The following BCL2 variants were observed in gnomAD, a reference collection of about 807,000 sequenced individuals.
The protein encoded by BCL2 is apoptosis regulator Bcl-2.
Under a neutral mutation model 14.2 loss-of-function variants are expected in BCL2, and 1 was observed. The ratio of observed to expected loss-of-function variants is 0.07; its 90% CI spans 0.02 to 0.33. The LOEUF (loss-of-function observed/expected upper bound fraction) is 0.33. BCL2 is among the 10% of genes least tolerant of loss of function. The pLI is 0.99. For missense variants in BCL2, 247 were observed against 305.9 expected, an observed-to-expected ratio of 0.81 and a Z score of 1.44; for synonymous variants, 151 against 137.2, an observed-to-expected ratio of 1.10 and a Z score of -0.70.
At chr18:63,271,042 G>C (rs142544832) in intron 2 of BCL2, among the ~76,000 whole-genome samples, 1 of 152,088 alleles carries the variant, frequency 6.6e-6, no homozygotes, top group Non-Finnish European at 1.5e-5. Context: ...GAATGGTCTC[G>C]AACTCCTGGC....
intron 2 of BCL2, among the ~76,000 whole-genome samples, chr18:63,311,490 TC>T (rs1214783073): frequency 1.3e-5 from 2 of 152,120 alleles, no homozygotes; most frequent in Admixed American, 6.5e-5. Flanking sequence ...GGAGAAAACC[TC>T]CCCTGAAAAA....
At position 63,169,248 on chromosome 18, in the gene BCL2, TTTTCTTTCTTTC is replaced by T. The variant is rs145779306; in HGVS notation, c.586-40501_586-40490del. Among the ~76,000 whole-genome samples, 212 of 108,262 alleles carry T rather than the reference TTTTCTTTCTTTC, an allele frequency of 2.0e-3. 8 individuals carry two copies. Among genetic ancestry groups the T allele is most frequent in the Non-Finnish European group, 2.1e-3 (109 of 52,448 alleles). The allele number at this position is 108,262 out of a possible 152,430, so 71.0% of individuals were successfully genotyped here. ...ACAGAATAGTTTTTCCCCTTCGTGT[TTTTCTTTCTTTC>T]TTTCTTTCTTTCTTTCTTTCTTTCT... is the stretch of plus-strand genomic sequence containing the variant. On this transcript the variant is annotated intron_variant, in intron 2 of 2. Transcript: ENST00000333681.
intron 2 of BCL2, among the ~76,000 whole-genome samples, chr18:63,195,995 T>C (rs1909433916): frequency 6.6e-6 from 1 of 152,210 alleles, no homozygotes; most frequent in South Asian, 2.1e-4. Flanking sequence ...TAGCATTCAA[T>C]AAAACTATAA....
At chr18:63,135,530 A>G (rs1404693581) in intron 2 of BCL2, among the ~76,000 whole-genome samples, 1 of 152,152 alleles carries the variant, frequency 6.6e-6, no homozygotes, top group Non-Finnish European at 1.5e-5. Flanking sequence ...GGCAGTGAAC[A>G]CTGCCTTTTA....
chr18:63,167,024 A>G (rs1160483682), intron 2 of BCL2, among the ~76,000 whole-genome samples: 3 of 152,212 alleles, frequency 2.0e-5, no homozygotes, highest in Non-Finnish European at 2.9e-5. Flanking sequence ...CTAATGTTGC[A>G]ACATGAGAAG....
chr18:63,252,581 T>C (rs113707824), intron 2 of BCL2, among the ~76,000 whole-genome samples: 9 of 152,192 alleles, frequency 5.9e-5, no homozygotes, highest in Non-Finnish European at 1.3e-4. Context: ...GATGTGATGG[T>C]TTTAAAAATG....
intron 2 of BCL2, chr18:63,314,190 T>G (rs1218022296): frequency 6.6e-6 from 1 of 152,230 alleles, no homozygotes; most frequent in African/African-American, 2.4e-5. Flanking sequence ...AAGTTCATCA[T>G]GAAATATATT....
chr18:63,313,641 T>C (rs1913404053), intron 2 of BCL2, among the ~76,000 whole-genome samples: 1 of 152,162 alleles, frequency 6.6e-6, no homozygotes, highest in Non-Finnish European at 1.5e-5. Context: ...AAACTACTGC[T>C]AAGACACAAT....
chr18:63,236,735 CGATGG>C (rs1349551921), intron 2 of BCL2, among the ~76,000 whole-genome samples: 2 of 150,480 alleles, frequency 1.3e-5, no homozygotes, highest in Non-Finnish European at 3.0e-5. Context: ...GAAGTGAGAT[CGATGG>C]CCTCCGTTCC....
intron 2 of BCL2, among the ~76,000 whole-genome samples, chr18:63,236,736 G>T (rs3826622): frequency 0.086 from 13,039 of 152,212 alleles, 603 homozygotes; most frequent in South Asian, 0.16. Flanking sequence ...AAGTGAGATC[G>T]ATGGCCTCCG....
chr18:63,252,812 CT>C (rs1911354589), intron 2 of BCL2, among the ~76,000 whole-genome samples: 1 of 152,146 alleles, frequency 6.6e-6, no homozygotes, highest in Non-Finnish European at 1.5e-5. Context: ...GACTAATACA[CT>C]TTGTAAATTT....
chr18:63,304,607 C>G (rs533205375), intron 2 of BCL2, among the ~76,000 whole-genome samples: 14 of 152,126 alleles, frequency 9.2e-5, no homozygotes, highest in African/African-American at 2.6e-4. Flanking sequence ...ATTTTTTAAA[C>G]TTTTAAGTTC....
At chr18:63,317,490 T>C in intron 2 of BCL2, 1 of 948,604 alleles carries the variant, frequency 1.1e-6, no homozygotes, top group Non-Finnish European at 1.3e-6. Flanking sequence ...AACTTAGCTC[T>C]TTACAAACAC....
chr18:63,296,307 C>T (rs987733907), intron 2 of BCL2, among the ~76,000 whole-genome samples: 1 of 151,722 alleles, frequency 6.6e-6, no homozygotes, highest in African/African-American at 2.4e-5. Flanking sequence ...TACTGAAGTC[C>T]TTTTTTTTGA....
chr18:63,155,908 C>T (rs1248654690), intron 2 of BCL2, among the ~76,000 whole-genome samples: 1 of 152,112 alleles, frequency 6.6e-6, no homozygotes, highest in African/African-American at 2.4e-5. Context: ...CCTCCCTCTC[C>T]CAGGACCCTT....
At chr18:63,289,598 G>C (rs1004406482) in intron 2 of BCL2, among the ~76,000 whole-genome samples, 10 of 152,098 alleles carry the variant, frequency 6.6e-5, no homozygotes, top group African/African-American at 2.2e-4. Flanking sequence ...CCTAGGAAAA[G>C]AGGAGCCTTA....
chr18:63,155,119 C>T (rs566013473), intron 2 of BCL2, among the ~76,000 whole-genome samples: 1 of 152,306 alleles, frequency 6.6e-6, no homozygotes, highest in South Asian at 2.1e-4. Flanking sequence ...CAACATCAAC[C>T]ACAAAGGCTG....
intron 2 of BCL2, among the ~76,000 whole-genome samples, chr18:63,219,165 C>A (rs1330870986): frequency 2.0e-5 from 3 of 152,160 alleles, no homozygotes; most frequent in Admixed American, 6.5e-5. Flanking sequence ...TTCTGATTCT[C>A]CAAATATGGC....
At chr18:63,166,945 G>T (rs1033934472) in intron 2 of BCL2, among the ~76,000 whole-genome samples, 2 of 152,204 alleles carry the variant, frequency 1.3e-5, no homozygotes, top group Non-Finnish European at 2.9e-5. Context: ...AGACTACACG[G>T]CAGAATGAGA....
Sources: allele counts gnomAD v4.1 joint callset (sites outside exome capture counted in the v4.1 genomes callset), GRCh38; gene constraint gnomAD v4.1.1; transcripts MANE v1.5; gene names NCBI Gene and HGNC (gene_info 2026-07-23, HGNC 2026-07-21).